SPAG16: variants seen among roughly 807,000 people sequenced by gnomAD.
SPAG16 encodes the protein sperm associated antigen 16.
Under a neutral mutation model 80.4 loss-of-function variants are expected in SPAG16, and 86 were observed. The ratio of observed to expected loss-of-function variants is 1.07; its 90% CI spans 0.90 to 1.28. The LOEUF (loss-of-function observed/expected upper bound fraction) is 1.28, where lower values mean the gene tolerates loss of function less well. Ranked by LOEUF, SPAG16 falls within the 50% of genes most tolerant of loss-of-function variation. The pLI, the probability that SPAG16 is intolerant of heterozygous loss-of-function variation, is 0.00. For missense variants in SPAG16, 870 were observed against 765.3 expected, an observed-to-expected ratio of 1.14 and a Z score of -1.61; for synonymous variants, 294 against 265.9, an observed-to-expected ratio of 1.11 and a Z score of -1.03.
At chr2:213,387,859 C>CT (rs1345150857) in intron 9 of SPAG16, among the ~76,000 whole-genome samples, 3 of 152,024 alleles carry the variant, frequency 2.0e-5, no homozygotes, top group African/African-American at 7.2e-5. Flanking sequence ...TTCTGGGTTT[C>CT]TGCTGGAAAT....
At chr2:213,996,855 G>A (rs986832933) in intron 12 of SPAG16, among the ~76,000 whole-genome samples, 51 of 152,070 alleles carry the variant, frequency 3.4e-4, no homozygotes, top group African/African-American at 3.6e-4. Context: ...GGTGTGAGCC[G>A]CCGCACCCGG....
intron 10 of SPAG16, among the ~76,000 whole-genome samples, chr2:213,630,783 C>T (rs1050130592): frequency 6.6e-6 from 1 of 152,068 alleles, no homozygotes; most frequent in Non-Finnish European, 1.5e-5. Flanking sequence ...CCTGGAAGAA[C>T]AATTAAGAGC....
At chr2:213,914,315 G>A (rs2077844839) in intron 11 of SPAG16, among the ~76,000 whole-genome samples, 1 of 151,960 alleles carries the variant, frequency 6.6e-6, no homozygotes, top group Admixed American at 6.6e-5. Flanking sequence ...TTAATGAAAA[G>A]TGTGACATTA....
intron 15 of SPAG16, among the ~76,000 whole-genome samples, chr2:214,387,324 A>G (rs564504799): frequency 3.0e-4 from 45 of 152,198 alleles, no homozygotes; most frequent in Non-Finnish European, 5.4e-4. Flanking sequence ...TATCATATAT[A>G]TGTTATTTCC....
chr2:213,661,396 C>A (rs911096730), intron 10 of SPAG16, among the ~76,000 whole-genome samples: 2 of 152,100 alleles, frequency 1.3e-5, no homozygotes, highest in East Asian at 3.8e-4. Context: ...TAAGATACAA[C>A]TATTTTAATT....
At chr2:214,026,563 A>G (rs982276546) in intron 13 of SPAG16, among the ~76,000 whole-genome samples, 1 of 151,544 alleles carries the variant, frequency 6.6e-6, no homozygotes, top group Non-Finnish European at 1.5e-5. Flanking sequence ...ATAAACTAAT[A>G]TATAGGTTTA....
At chr2:214,002,773 T>A (rs1302771721) in intron 12 of SPAG16, among the ~76,000 whole-genome samples, 1 of 152,208 alleles carries the variant, frequency 6.6e-6, no homozygotes, top group East Asian at 1.9e-4. Context: ...CCATTTTAGT[T>A]ATATTTATGC....
chr2:214,352,464 CTT>C (rs375464762), intron 15 of SPAG16, among the ~76,000 whole-genome samples: 22 of 151,070 alleles, frequency 1.5e-4, no homozygotes, highest in African/African-American at 5.4e-4. Flanking sequence ...TTTATTTAGA[CTT>C]TCTTCAGTCT....
intron 10 of SPAG16, among the ~76,000 whole-genome samples, chr2:213,801,063 T>A (rs912113801): frequency 1.3e-5 from 2 of 152,192 alleles, no homozygotes; most frequent in African/African-American, 4.8e-5. Flanking sequence ...AAAAATGTAT[T>A]ATTGAAATGT....
At chr2:214,088,183 T>C (rs1234067652) in intron 13 of SPAG16, among the ~76,000 whole-genome samples, 1 of 152,168 alleles carries the variant, frequency 6.6e-6, no homozygotes, top group South Asian at 2.1e-4. Context: ...AGCACTCACA[T>C]TGTGCAAAGG....
intron 13 of SPAG16, among the ~76,000 whole-genome samples, chr2:214,058,443 C>A (rs2050057680): frequency 6.6e-6 from 1 of 152,084 alleles, no homozygotes; most frequent in Non-Finnish European, 1.5e-5. Flanking sequence ...TATATGTATT[C>A]AGATCATGGT....
chr2:213,641,705 C>T (rs756120119), intron 10 of SPAG16, among the ~76,000 whole-genome samples: 17 of 152,160 alleles, frequency 1.1e-4, no homozygotes, highest in African/African-American at 2.7e-4. Flanking sequence ...AAATTATTCT[C>T]TTGTGATCCT....
intron 9 of SPAG16, among the ~76,000 whole-genome samples, chr2:213,473,969 T>C (rs2073234807): frequency 6.6e-6 from 1 of 152,202 alleles, no homozygotes. Context: ...TCCTGGCAAC[T>C]GCCTCAGGGG....
intron 15 of SPAG16, among the ~76,000 whole-genome samples, chr2:214,291,934 T>C (rs1001953916): frequency 2.0e-5 from 3 of 152,216 alleles, no homozygotes; most frequent in Non-Finnish European, 4.4e-5. Context: ...GCATTTCTTG[T>C]AGGGCCAGTG....
chr2:214,214,828 C>T (rs1388973257), intron 15 of SPAG16, among the ~76,000 whole-genome samples: 1 of 151,488 alleles, frequency 6.6e-6, no homozygotes. Flanking sequence ...GAAATGCTTA[C>T]ATAGAAATAT....
At chr2:213,497,643 CTA>C (rs1476181411) in intron 10 of SPAG16, among the ~76,000 whole-genome samples, 1 of 151,952 alleles carries the variant, frequency 6.6e-6, no homozygotes, top group South Asian at 2.1e-4. Flanking sequence ...CCACAGTGAC[CTA>C]TAAGAAGGCA....
At chr2:213,310,838 T>G (rs2063158198) in intron 4 of SPAG16, among the ~76,000 whole-genome samples, 1 of 151,818 alleles carries the variant, frequency 6.6e-6, no homozygotes, top group African/African-American at 2.4e-5. Context: ...TTAAATAAAT[T>G]TATTAAATGA....
intron 13 of SPAG16, among the ~76,000 whole-genome samples, chr2:214,041,032 G>A: frequency 6.6e-6 from 1 of 150,648 alleles, no homozygotes; most frequent in Non-Finnish European, 1.5e-5. Flanking sequence ...GAGCCTTTTT[G>A]TTTATTTTAT....
chr2:213,332,447 C>T (rs990275586), intron 5 of SPAG16, among the ~76,000 whole-genome samples: 5 of 152,064 alleles, frequency 3.3e-5, no homozygotes, highest in East Asian at 1.9e-4. Flanking sequence ...ACTGCTTAAT[C>T]GTGCCAAGCA....
Sources: allele counts gnomAD v4.1 joint callset (sites outside exome capture counted in the v4.1 genomes callset), GRCh38; gene constraint gnomAD v4.1.1; transcripts MANE v1.5; gene names NCBI Gene and HGNC (gene_info 2026-07-23, HGNC 2026-07-21).